Variants in CEPT1 observed in about 807,000 individuals in gnomAD.
CEPT1 encodes the protein choline/ethanolaminephosphotransferase 1.
A neutral mutation model predicts 42.6 loss-of-function variants in CEPT1; 7 were observed. The observed-to-expected ratio is 0.16, with a 90% CI of 0.09 to 0.31. The LOEUF is 0.31. CEPT1 is among the 10% of genes least tolerant of loss of function. The pLI is 1.00. For missense variants in CEPT1, 306 were observed against 502.1 expected, an observed-to-expected ratio of 0.61 and a Z score of 3.73; for synonymous variants, 171 against 171.9, an observed-to-expected ratio of 0.99 and a Z score of 0.04.
rs141490568 is a variant in CEPT1, at chr1:111,158,284, C to T, written c.340-1096C>T. ...AGGAGAATCTCTTGAACCCAGGAGG[C>T]GGAGGTTGCAGTAAGCCAAGACTGC... On this transcript the variant is annotated intron_variant, in intron 2 of 8. Transcript: ENST00000357172. Among the ~76,000 whole-genome samples, 435 of 152,212 alleles carry T rather than the reference C, an allele frequency of 2.9e-3. 4 individuals carry two copies. Among genetic ancestry groups the T allele is most frequent in the African/African-American group, 0.01 (417 of 41,542 alleles).
intron 4 of CEPT1, chr1:111,167,401 C>T (rs1352279634): frequency 1.1e-6 from 1 of 920,310 alleles, no homozygotes; most frequent in Non-Finnish European, 1.3e-6. Context: ...AGTGGTATTT[C>T]TGGTGATTTG....
In CEPT1 at chr1:111,148,375, CAA is replaced by C. The variant is rs34084366; in HGVS notation, c.339+335_339+336del. Reference sequence around the variant, plus strand: ...TTTAAATGGTAGAATAAAGTCTTAGCAAAAAAAAAAAAAACAGTGAGAAAACT... The same window carrying C: ...TTTAAATGGTAGAATAAAGTCTTAGCAAAAAAAAAAAACAGTGAGAAAACT... On this transcript the variant is annotated intron_variant, in intron 2 of 8. Coordinates refer to ENST00000357172, the MANE Select transcript of CEPT1 (RefSeq NM_006090.5). Among the ~76,000 whole-genome samples the C allele has an allele frequency of 6.1e-3, 461 of 75,162 alleles. 3 individuals carry two copies. Among genetic ancestry groups the C allele is most frequent in the Middle Eastern group, 0.033 (5 of 150 alleles). The allele number at this position is 75,162 out of a possible 152,430, so 49.3% of individuals were successfully genotyped here.
chr1:111,165,193 C>T (rs1656083404), intron 4 of CEPT1, among the ~76,000 whole-genome samples: 1 of 150,880 alleles, frequency 6.6e-6, no homozygotes, highest in Non-Finnish European at 1.5e-5. Flanking sequence ...GGACTACAGG[C>T]ACCCGCCACC....
chr1:111,160,493 A>G (rs1407002033), intron 3 of CEPT1: 1 of 152,432 alleles, frequency 6.6e-6, no homozygotes, highest in Non-Finnish European at 1.5e-5. Flanking sequence ...ACAGCAGCTT[A>G]TTTAGTAGAG....
chr1:111,173,954 A>T (rs1656548478), intron 4 of CEPT1, among the ~76,000 whole-genome samples: 1 of 152,022 alleles, frequency 6.6e-6, no homozygotes, highest in Admixed American at 6.6e-5. Flanking sequence ...CTCTGAGGGA[A>T]TTTTTTTAAA....
chr1:111,168,493 CT>C (rs1194436907), intron 4 of CEPT1, among the ~76,000 whole-genome samples: 223 of 142,012 alleles, frequency 1.6e-3, no homozygotes, highest in Middle Eastern at 3.6e-3. Flanking sequence ...TTCTTTGGTT[CT>C]TTTTTTTTTT....
intron 4 of CEPT1, among the ~76,000 whole-genome samples, chr1:111,171,014 T>A (rs1407897694): frequency 6.6e-6 from 1 of 152,346 alleles, no homozygotes. Flanking sequence ...ATGTCACATG[T>A]AGAAGAACAA....
chr1:111,140,141 G>A (rs574797172), upstream of CEPT1: 7 of 150,898 alleles, frequency 4.6e-5, no homozygotes, highest in East Asian at 1.2e-3. Context: ...GGCCGGCCCC[G>A]GGGCGCGCTC....
chr1:111,184,079 T>C (rs1298576590), intron 8 of CEPT1, 112 bp from the exon 9 acceptor site: 5 of 1,089,010 alleles, frequency 4.6e-6, no homozygotes, highest in Non-Finnish European at 6.6e-6. Flanking sequence ...AATTGAATTA[T>C]TTTATGGAAT....
chr1:111,180,730 A>G (rs1395160463), intron 5 of CEPT1: 1 of 152,250 alleles, frequency 6.6e-6, no homozygotes, highest in Non-Finnish European at 1.5e-5. Context: ...TTGAAGAAAT[A>G]AAGTATCCAA....
At chr1:111,145,263 G>A (rs1390172885) in intron 1 of CEPT1, among the ~76,000 whole-genome samples, 3 of 152,170 alleles carry the variant, frequency 2.0e-5, no homozygotes, top group African/African-American at 2.4e-5. Flanking sequence ...TGATCCGCCC[G>A]CCTCAGCCTC....
At position 111,174,861 on chromosome 1, in the gene CEPT1, C is replaced by T. The variant is rs1295415490; in HGVS notation, c.630-18C>T. 6.5e-6 allele frequency: 10 copies of T among 1,548,242 alleles called. No individual in the cohort carries two copies. The highest frequency in any genetic ancestry group is 8.0e-6 in the Non-Finnish European group (9 of 1,120,792). On this transcript the variant is annotated intron_variant, in intron 4 of 8. Transcript: ENST00000357172. Reference sequence around the variant, plus strand: ...GTTGTGACTAATTCTGCTCTTTTGGCTTTTTGTACCTAATCAGAATTGATG... The same window carrying T: ...GTTGTGACTAATTCTGCTCTTTTGGTTTTTTGTACCTAATCAGAATTGATG...
chr1:111,168,140 C>T (rs1179923659), intron 4 of CEPT1, among the ~76,000 whole-genome samples: 2 of 152,078 alleles, frequency 1.3e-5, no homozygotes, highest in African/African-American at 4.8e-5. Context: ...TTCCAAAGCA[C>T]TGGAACTACA....
intron 5 of CEPT1, chr1:111,179,372 T>C (rs1174241198): frequency 6.6e-6 from 1 of 152,184 alleles, no homozygotes. Context: ...TCTTAAAGAC[T>C]TGAAACTTCA....
intron 2 of CEPT1, among the ~76,000 whole-genome samples, chr1:111,153,156 C>T (rs905511564): frequency 1.3e-5 from 2 of 152,140 alleles, no homozygotes; most frequent in Non-Finnish European, 2.9e-5. Flanking sequence ...CTCTTGTAAC[C>T]ACAATTCTTC....
intron 5 of CEPT1, chr1:111,179,279 A>C (rs1176821109): frequency 1.3e-5 from 2 of 152,178 alleles, no homozygotes; most frequent in Admixed American, 1.3e-4. Context: ...TTGGATGCAT[A>C]CCTTCATGGT....
chr1:111,145,805 T>C (rs1571110395), intron 1 of CEPT1, among the ~76,000 whole-genome samples: 1 of 152,198 alleles, frequency 6.6e-6, no homozygotes, highest in Non-Finnish European at 1.5e-5. Context: ...TTGGCCTGGC[T>C]TCACTGCATT....
chr1:111,152,635 A>G (rs1655342029), intron 2 of CEPT1, among the ~76,000 whole-genome samples: 1 of 152,208 alleles, frequency 6.6e-6, no homozygotes, highest in Non-Finnish European at 1.5e-5. Context: ...AATAATAAAG[A>G]CTAAATTCAG....
In CEPT1 at chr1:111,184,180, T is replaced by C; in HGVS notation, c.1132-11T>C. ...CTAAACGGGTGCTGAGAATGTCTCT[T>C]TTCTTTCCAGGTTTTCTCTTTCTTT... On this transcript the variant is annotated splice_polypyrimidine_tract_variant and intron_variant, in intron 8 of 8. Transcript: ENST00000357172. 1 of 1,613,166 alleles carries C rather than the reference T, an allele frequency of 6.2e-7. No homozygotes were observed. The highest frequency in any genetic ancestry group is 8.5e-7 in the Non-Finnish European group (1 of 1,179,330).
Sources: allele counts gnomAD v4.1 joint callset (sites outside exome capture counted in the v4.1 genomes callset), GRCh38; gene constraint gnomAD v4.1.1; transcripts MANE v1.5; gene names NCBI Gene and HGNC (gene_info 2026-07-23, HGNC 2026-07-21).